NUP205: variants seen among roughly 807,000 people sequenced by gnomAD.
NUP205 encodes nuclear pore complex protein Nup205.
NUP205 carries 76 observed loss-of-function variants against 253.8 expected under a neutral mutation model. The ratio of observed to expected loss-of-function variants is 0.30; its 90% CI spans 0.25 to 0.36. The LOEUF (loss-of-function observed/expected upper bound fraction) is 0.36. NUP205 is among the 10% of genes least tolerant of loss of function. The pLI, the probability that NUP205 is intolerant of heterozygous loss-of-function variation, is 1.00. For missense variants in NUP205, 2,162 were observed against 2,425.5 expected (o/e 0.89, Z 2.28); for synonymous variants, 832 against 850.1 (o/e 0.98, Z 0.37).
chr7:135,633,753 C>G (rs1794758277), intron 35 of NUP205, among the ~76,000 whole-genome samples: 1 of 152,126 alleles, frequency 6.6e-6, no homozygotes, highest in South Asian at 2.1e-4. Context: ...CCATTTTTGT[C>G]CATTTGAACT....
chr7:135,583,068 C>T (rs138445875), intron 7 of NUP205, among the ~76,000 whole-genome samples: 1,953 of 151,896 alleles, frequency 0.013, 19 homozygotes, highest in Middle Eastern at 0.048. Context: ...CCAGTCTCGG[C>T]GACAGAGCGA....
intron 2 of NUP205, 91 bp from the exon 3 acceptor site, chr7:135,573,562 TG>T (rs1439016091): frequency 1.2e-6 from 1 of 829,254 alleles, no homozygotes; most frequent in Non-Finnish European, 1.9e-6. Context: ...GTTACCAGGC[TG>T]AATTATCATG....
Position 135,572,078 on chromosome 7 carries a change from T to G in NUP205, c.171+831T>G, listed in dbSNP as rs191527714. ...CTTGCTATGTTGCCCAGGCTGGTCT[T>G]GAACTCCTGGCCTCAGGTGATCTTC... On this transcript the variant is annotated intron_variant, in intron 2 of 42. Transcript: ENST00000285968. Among the ~76,000 whole-genome samples, 138 of 152,214 alleles carry G rather than the reference T, an allele frequency of 9.1e-4. 1 individual carries two copies. The highest frequency in any genetic ancestry group is 3.0e-3 in the African/African-American group (126 of 41,552).
intron 31 of NUP205, among the ~76,000 whole-genome samples, chr7:135,624,667 G>A (rs979389879): frequency 1.3e-5 from 2 of 151,970 alleles, no homozygotes; most frequent in Non-Finnish European, 2.9e-5. Context: ...GTGAGCCACC[G>A]CTCCCGGCCT....
intron 8 of NUP205, 66 bp downstream of exon 8, chr7:135,585,073 A>T: frequency 7.5e-7 from 1 of 1,333,386 alleles, no homozygotes; most frequent in Middle Eastern, 2.5e-4. Flanking sequence ...AAAACTGATT[A>T]ACCAGCTTTA....
intron 7 of NUP205, 100 bp downstream of exon 7, chr7:135,579,015 A>G (rs1806229960): frequency 4.7e-6 from 4 of 855,628 alleles, no homozygotes; most frequent in Non-Finnish European, 6.9e-6. Flanking sequence ...AAGCATAAGC[A>G]TAGGAAGATA....
In NUP205 at chr7:135,606,767, G is replaced by C. The variant is rs1794093878; in HGVS notation, c.2922G>C (p.Lys974Asn). Residue 974 changes from lysine to asparagine, a missense_variant, in exon 21 of 43, where the codon AAG becomes AAC. Physicochemically the swap from Lys to Asn is moderately conservative, Grantham distance 94. Transcript: ENST00000285968. Reference protein sequence around the residue: ...VRLEEGSELEKKLVAIRHETR... With the variant: ...VRLEEGSELENKLVAIRHETR... ...TGCATTAAGGATCAGAACTTGAAAAGAAATTAGTTGCAATTCGTCATGAAA... is the reference window on the plus strand; with the variant it reads ...TGCATTAAGGATCAGAACTTGAAAACAAATTAGTTGCAATTCGTCATGAAA... The C allele has an allele frequency of 1.2e-6, 2 of 1,613,652 alleles. No homozygotes were observed. The highest frequency in any genetic ancestry group is 2.2e-5 in the South Asian group (2 of 91,034).
intron 24 of NUP205, among the ~76,000 whole-genome samples, chr7:135,616,349 A>G (rs1794358415): frequency 6.6e-6 from 1 of 152,218 alleles, no homozygotes; most frequent in Non-Finnish European, 1.5e-5. Context: ...AGTATGTATT[A>G]TTCATGCAAA....
In NUP205 at chr7:135,617,207, A is replaced by G; in HGVS notation, c.3650A>G (p.Glu1217Gly). The G allele has an allele frequency of 2.5e-6, 4 of 1,613,954 alleles. No homozygotes were observed. The highest frequency in any genetic ancestry group is 2.5e-6 in the Non-Finnish European group (3 of 1,179,876). ...AQIEQVIANCEHKNLRGQTVC... is the reference protein window; with the variant it reads ...AQIEQVIANCGHKNLRGQTVC... ...ATTGAACAAGTTATTGCTAACTGTG[A>G]ACACAAGAATTTACGGGGACAGACA... Residue 1217 changes from glutamate (E) to glycine (G), a missense_variant, in exon 26 of 43, where the codon GAA (glutamate) becomes GGA (glycine). This residue lies in a region of NUP205 where 1,144 missense variants were observed against 1,280.9 expected (regional missense o/e 0.89). Coordinates refer to ENST00000285968, the MANE Select transcript of NUP205 (RefSeq NM_015135.3).
chr7:135,583,220 A>G (rs1203722847), intron 7 of NUP205, among the ~76,000 whole-genome samples: 1 of 152,184 alleles, frequency 6.6e-6, no homozygotes, highest in Non-Finnish European at 1.5e-5. Flanking sequence ...ACGGTAACAG[A>G]CTATGTATTT....
Position 135,578,805 on chromosome 7 carries a change from ACT to A in NUP205, c.936_937del (p.Arg313SerfsTer17). 1 of 1,609,452 alleles carries A rather than the reference ACT, an allele frequency of 6.2e-7. No individual in the cohort carries two copies. Among genetic ancestry groups the A allele is most frequent in the Non-Finnish European group, 8.5e-7 (1 of 1,178,308 alleles). ...GAAAAACAGTACATTGCAACAATTC[ACT>A]CTCGTCTTCAGGACTCACAGCTTTG... is the stretch of plus-strand genomic sequence containing the variant. On this transcript the variant is annotated frameshift_variant, in exon 7 of 43. Transcript: ENST00000285968. LOFTEE classifies it high-confidence loss of function.
chr7:135,583,425 C>A (rs771603266), intron 7 of NUP205, among the ~76,000 whole-genome samples: 18 of 152,112 alleles, frequency 1.2e-4, no homozygotes, highest in Non-Finnish European at 2.5e-4. Context: ...TTAAGTTACT[C>A]TAGATCAAGC....
intron 21 of NUP205, 145 bp from the exon 22 acceptor site, chr7:135,607,102 C>G (rs535199120): frequency 8.4e-7 from 1 of 1,194,600 alleles, no homozygotes; most frequent in Non-Finnish European, 1.2e-6. Context: ...GAGAATCAGC[C>G]TTTATCAATT....
At chr7:135,560,913 A>G (rs1238378942) in intron 1 of NUP205, among the ~76,000 whole-genome samples, 1 of 152,236 alleles carries the variant, frequency 6.6e-6, no homozygotes, top group Non-Finnish European at 1.5e-5. Context: ...CAATGTGAAT[A>G]CACTGAACAC....
At chr7:135,611,410 C>A (rs565365821) in intron 22 of NUP205, among the ~76,000 whole-genome samples, 1 of 152,094 alleles carries the variant, frequency 6.6e-6, no homozygotes, top group Non-Finnish European at 1.5e-5. Flanking sequence ...TTGAGAAGTT[C>A]GGTATTAGCT....
At chr7:135,614,322 G>A (rs1277985244) in intron 23 of NUP205, 49 bp downstream of exon 23, 1 of 981,934 alleles carries the variant, frequency 1.0e-6, no homozygotes, top group Non-Finnish European at 1.6e-6. Context: ...ATAATTCCAT[G>A]TTAAGTGATT....
intron 36 of NUP205, among the ~76,000 whole-genome samples, chr7:135,637,032 CAG>C (rs1794822630): frequency 6.6e-6 from 1 of 152,108 alleles, no homozygotes; most frequent in African/African-American, 2.4e-5. Flanking sequence ...AATAATAAGA[CAG>C]TGTGTATTAT....
In NUP205 at chr7:135,593,011, G is replaced by T; in HGVS notation, c.1649G>T (p.Gly550Val). The part of the protein sequence containing the change: ...SHVENIQGAG[G>V]SPVSWEHFFH... ...GTTGAAAATATTCAGGGAGCAGGTG[G>T]CAGTCCTGTTTCCTGGGAACATTTC... The change falls in exon 12 of 43, where the codon GGC becomes GTC. Residue 550 changes from glycine (G) to valine (V), a missense_variant. Gly to Val is a moderately radical substitution (Grantham distance 109). Coordinates refer to ENST00000285968, the MANE Select transcript of NUP205 (RefSeq NM_015135.3). 6.2e-7 allele frequency: 1 copy of T among 1,613,048 alleles called. No individual in the cohort carries two copies. The highest frequency in any genetic ancestry group is 8.5e-7 in the Non-Finnish European group (1 of 1,179,126).
intron 7 of NUP205, among the ~76,000 whole-genome samples, chr7:135,581,680 C>T (rs1806308212): frequency 6.6e-6 from 1 of 151,614 alleles, no homozygotes; most frequent in Non-Finnish European, 1.5e-5. Context: ...GGTAAAAGCC[C>T]ATCTCCACTA....
Sources: allele counts gnomAD v4.1 joint callset (sites outside exome capture counted in the v4.1 genomes callset), GRCh38; gene constraint gnomAD v4.1.1; regional missense constraint gnomAD v4.1.1; transcripts MANE v1.5; gene names NCBI Gene and HGNC (gene_info 2026-07-23, HGNC 2026-07-21).